FAM135A: variants seen among roughly 807,000 people sequenced by gnomAD.
The protein encoded by FAM135A is protein FAM135A.
A neutral mutation model predicts 146.8 loss-of-function variants in FAM135A; 79 were observed. The ratio of observed to expected loss-of-function variants is 0.54; its 90% CI spans 0.45 to 0.65. FAM135A has a LOEUF of 0.65. FAM135A is among the 30% of genes least tolerant of loss of function. The pLI, the probability that FAM135A is intolerant of heterozygous loss-of-function variation, is 0.00. For synonymous variants in FAM135A, 562 were observed against 603.6 expected, an observed-to-expected ratio of 0.93 and a Z score of 1.01; for missense variants, 1,623 against 1,758.2, an observed-to-expected ratio of 0.92 and a Z score of 1.38.
chr6:70,431,467 C>T (rs1206515601), intron 4 of FAM135A, among the ~76,000 whole-genome samples: 1 of 152,120 alleles, frequency 6.6e-6, no homozygotes, highest in East Asian at 1.9e-4. Context: ...CATGGGTCCA[C>T]AGAAGAGAGA....
chr6:70,526,748 TATACACACACACACACATACACACACAC>T lies in FAM135A; in HGVS notation c.3614+52_3614+79del, dbSNP rs754218728. The T allele has an allele frequency of 6.5e-3, 7,114 of 1,089,390 alleles. 362 individuals are homozygous for T. Among genetic ancestry groups the T allele is most frequent in the South Asian group, 0.018 (1,172 of 64,048 alleles). 67.5% of individuals were successfully genotyped at this position (1,089,390 alleles called of 1,614,324 possible). On this transcript the variant is annotated intron_variant, in intron 15 of 21. Transcript: ENST00000418814. Reference sequence around the variant, plus strand: ...CTGCTGCTAAATATATACATATATATATACACACACACACACATACACACACACACACACACACACACACACACACACA... The same window carrying T: ...CTGCTGCTAAATATATACATATATATACACACACACACACACACACACACA...
chr6:70,541,889 A>G (rs907256798), intron 20 of FAM135A, among the ~76,000 whole-genome samples: 1 of 152,298 alleles, frequency 6.6e-6, no homozygotes, highest in South Asian at 2.1e-4. Flanking sequence ...TTTATACCCC[A>G]TATCTACAGA....
At chr6:70,500,505 G>T (rs1019047663) in intron 11 of FAM135A, among the ~76,000 whole-genome samples, 3 of 152,150 alleles carry the variant, frequency 2.0e-5, no homozygotes, top group Non-Finnish European at 4.4e-5. Context: ...CTCACTCTCC[G>T]TCCAGTTTTG....
At chr6:70,433,038 G>A (rs1477460369) in intron 4 of FAM135A, among the ~76,000 whole-genome samples, 2 of 150,958 alleles carry the variant, frequency 1.3e-5, no homozygotes, top group African/African-American at 4.9e-5. Flanking sequence ...ACCCTGTTAT[G>A]CTAGGATGTC....
intron 20 of FAM135A, among the ~76,000 whole-genome samples, chr6:70,552,623 C>T (rs928917513): frequency 3.9e-5 from 6 of 151,930 alleles, no homozygotes; most frequent in Non-Finnish European, 8.8e-5. Context: ...TGCCTGCCAC[C>T]GTGCCCAGCT....
chr6:70,456,250 T>G (rs1778350239), intron 5 of FAM135A, among the ~76,000 whole-genome samples: 1 of 152,248 alleles, frequency 6.6e-6, no homozygotes, highest in African/African-American at 2.4e-5. Flanking sequence ...ATAGTCTTAC[T>G]TGTATCAAAC....
chr6:70,527,940 C>G (rs1795066787), intron 15 of FAM135A, among the ~76,000 whole-genome samples: 1 of 152,222 alleles, frequency 6.6e-6, no homozygotes. Context: ...GGATAAACAT[C>G]AGATTATCAC....
intron 12 of FAM135A, among the ~76,000 whole-genome samples, chr6:70,517,902 T>C (rs1364217959): frequency 6.6e-6 from 1 of 152,176 alleles, no homozygotes; most frequent in Non-Finnish European, 1.5e-5. Context: ...CTTCCTCTAC[T>C]TGGGTCTCCA....
intron 3 of FAM135A, among the ~76,000 whole-genome samples, chr6:70,427,547 A>C (rs1299746538): frequency 6.6e-6 from 1 of 152,126 alleles, no homozygotes; most frequent in Non-Finnish European, 1.5e-5. Context: ...AAAAAAAAAA[A>C]AAAATTAATA....
Position 70,481,105 on chromosome 6 carries a change from T to C in FAM135A, c.669+78T>C. ...TTAACAATTTTATCTGTGAATGTTATATTTCTTTTTTAAATTATTTCAGCT... is the reference window on the plus strand; with the variant it reads ...TTAACAATTTTATCTGTGAATGTTACATTTCTTTTTTAAATTATTTCAGCT... On this transcript the variant is annotated intron_variant, in intron 9 of 21. Coordinates refer to ENST00000418814, the MANE Select transcript of FAM135A (RefSeq NM_001162529.3). 13 of 1,288,558 alleles carry C rather than the reference T, an allele frequency of 1.0e-5. No homozygotes were observed. In the Middle Eastern group the frequency reaches 9.5e-4, roughly 94 times the overall value. The allele number at this position is 1,288,558 out of a possible 1,614,324, so 79.8% of individuals were successfully genotyped here.
intron 4 of FAM135A, among the ~76,000 whole-genome samples, chr6:70,448,056 CAAGCCT>C (rs1776219850): frequency 6.6e-6 from 1 of 152,094 alleles, no homozygotes; most frequent in Non-Finnish European, 1.5e-5. Context: ...AGGGAACTGC[CAAGCCT>C]CTAAATCACC....
At chr6:70,492,972 C>A (rs1398902069) in intron 11 of FAM135A, among the ~76,000 whole-genome samples, 2 of 151,922 alleles carry the variant, frequency 1.3e-5, no homozygotes, top group Non-Finnish European at 2.9e-5. Flanking sequence ...ATCTGCACAG[C>A]AGTTTTTATT....
chr6:70,502,954 G>C (rs1788910435), intron 12 of FAM135A, 163 bp downstream of exon 12: 5 of 689,628 alleles, frequency 7.3e-6, no homozygotes, highest in Non-Finnish European at 1.1e-5. Flanking sequence ...TAATAGAATA[G>C]AACAATACAG....
intron 10 of FAM135A, among the ~76,000 whole-genome samples, chr6:70,484,261 A>C (rs529550926): frequency 1.1e-4 from 16 of 152,276 alleles, no homozygotes; most frequent in African/African-American, 3.4e-4. Flanking sequence ...TGGGGCTTCA[A>C]TATATGAGAT....
chr6:70,435,081 G>GTGTATA (rs1491409552), intron 4 of FAM135A, among the ~76,000 whole-genome samples: 1 of 94,330 alleles, frequency 1.1e-5, no homozygotes, highest in Admixed American at 1.1e-4. Context: ...GTGTGTGTGT[G>GTGTATA]TATATATATA....
At chr6:70,493,731 C>A (rs1457438061) in intron 11 of FAM135A, among the ~76,000 whole-genome samples, 1 of 152,050 alleles carries the variant, frequency 6.6e-6, no homozygotes, top group African/African-American at 2.4e-5. Context: ...TTATGGGATA[C>A]TTGTAATCTA....
chr6:70,464,658 CTTTT>C (rs754818109), intron 5 of FAM135A, among the ~76,000 whole-genome samples: 1 of 100,454 alleles, frequency 1.0e-5, no homozygotes, highest in South Asian at 2.9e-4. Context: ...TTCTTTCTTT[CTTTT>C]TTTTCTTTTT....
At chr6:70,462,998 G>GAAA (rs1489668545) in intron 5 of FAM135A, among the ~76,000 whole-genome samples, 1 of 152,134 alleles carries the variant, frequency 6.6e-6, no homozygotes, top group African/African-American at 2.4e-5. Context: ...GCCTTCCTTT[G>GAAA]AGAGCCACTG....
chr6:70,439,095 G>A (rs1407680759), intron 4 of FAM135A, among the ~76,000 whole-genome samples: 1 of 152,172 alleles, frequency 6.6e-6, no homozygotes, highest in Non-Finnish European at 1.5e-5. Context: ...AGTCGCTTGA[G>A]TCCAGGAGTT....
Sources: allele counts gnomAD v4.1 joint callset (sites outside exome capture counted in the v4.1 genomes callset), GRCh38; gene constraint gnomAD v4.1.1; transcripts MANE v1.5; gene names NCBI Gene and HGNC (gene_info 2026-07-23, HGNC 2026-07-21).